RBFOX1: variants seen among roughly 807,000 people sequenced by gnomAD.
The protein encoded by RBFOX1 is RNA binding fox-1 homolog 1.
A neutral mutation model predicts 57.7 loss-of-function variants in RBFOX1; 8 were observed. The ratio of observed to expected loss-of-function variants is 0.14; its 90% confidence interval spans 0.08 to 0.25. RBFOX1 has a LOEUF of 0.25. Among genes scored for constraint, RBFOX1 ranks in the 10% least tolerant of loss-of-function variants. RBFOX1 has a pLI of 1.00. For missense variants in RBFOX1, 611 were observed against 548.5 expected (o/e 1.11, Z -1.14); for synonymous variants, 326 against 222.4 (o/e 1.47, Z -4.15).
At chr16:6,257,107 T>G (rs10431955) in intron 1 of RBFOX1, among the ~76,000 whole-genome samples, 102,902 of 151,982 alleles carry the variant, frequency 0.68, 39,924 homozygotes, top group Non-Finnish European at 0.86. Context: ...CTTATTTTTC[T>G]TTTTTTAATT....
intron 3 of RBFOX1, among the ~76,000 whole-genome samples, chr16:6,989,218 G>A (rs2090980685): frequency 6.6e-6 from 1 of 152,002 alleles, no homozygotes; most frequent in Admixed American, 6.6e-5. Flanking sequence ...TTAAAATGTG[G>A]CTATTAGAAA....
intron 5 of RBFOX1, among the ~76,000 whole-genome samples, chr16:7,533,379 G>A (rs2080622975): frequency 6.6e-6 from 1 of 151,836 alleles, no homozygotes; most frequent in African/African-American, 2.4e-5. Flanking sequence ...CTTCCACCTT[G>A]AAACACCCAT....
rs1949797515 is a variant in RBFOX1, at chr16:7,518,307, T to C, written c.188T>C (p.Leu63Ser). 6.2e-7 allele frequency: 1 copy of C among 1,614,066 alleles called. No individual in the cohort carries two copies. Among genetic ancestry groups the C allele is most frequent in the South Asian group, 1.1e-5 (1 of 91,072 alleles). ...CAGACCACGGTTCCCGAGCACACAT[T>C]AAACCTGTACCCTCCCGCCCAGACG... ...TGQTTVPEHT[L>S]NLYPPAQTHS... Residue 63 changes from leucine to serine, a missense_variant, in exon 5 of 16, where the codon TTA (leucine) becomes TCA (serine). By Grantham distance (145) the Leu-to-Ser change is moderately radical. Transcript: ENST00000550418.
chr16:7,628,844 C>T lies in RBFOX1; in HGVS notation c.677-1759C>T, dbSNP rs1419169874. 2.0e-5 allele frequency among the ~76,000 whole-genome samples: 3 copies of T among 152,146 alleles called. No individual in the cohort carries two copies. In the South Asian group the frequency reaches 6.2e-4, roughly 32 times the overall value. ...GCCAGGCTGGTCTCGAACTCCTAAC[C>T]TCAGGTGATCTACCTGCCTTGGCCT... On this transcript the variant is annotated intron_variant, in intron 10 of 15. Coordinates refer to ENST00000550418, the MANE Select transcript of RBFOX1 (RefSeq NM_018723.4).
At chr16:6,004,112 A>G (rs2060651497) in intron 4 of RBFOX1, among the ~76,000 whole-genome samples, 3 of 152,230 alleles carry the variant, frequency 2.0e-5, no homozygotes, top group African/African-American at 7.2e-5. Context: ...ATGGGTTGAT[A>G]GGTGCAGCAA....
chr16:6,311,453 C>T (rs113742897), intron 1 of RBFOX1, among the ~76,000 whole-genome samples: 2,239 of 152,080 alleles, frequency 0.015, 45 homozygotes, highest in African/African-American at 0.049. Flanking sequence ...GGATGGGAAG[C>T]AAAAGGAGAT....
intron 1 of RBFOX1, among the ~76,000 whole-genome samples, chr16:6,110,227 T>C (rs1811321): frequency 0.66 from 95,571 of 143,892 alleles, 32,140 homozygotes; most frequent in African/African-American, 0.76. Flanking sequence ...ATTATTCTTT[T>C]AGCTCTCTGG....
At chr16:7,029,173 C>T (rs1168607246) in intron 3 of RBFOX1, among the ~76,000 whole-genome samples, 1 of 44,264 alleles carries the variant, frequency 2.3e-5, no homozygotes, top group East Asian at 9.3e-4. Context: ...CATATATATA[C>T]GTATACGTGT....
In RBFOX1 at chr16:7,032,851, A is replaced by G. The variant is rs1416370881; in HGVS notation, c.-15-19206A>G. On this transcript the variant is annotated intron_variant, in intron 3 of 15. Coordinates refer to ENST00000550418, the MANE Select transcript of RBFOX1 (RefSeq NM_018723.4). ...AGGCTCATGGCATAGCCACTCTGGG[A>G]AACTTGTCTAACTTCCAGATTCTCA... 2.0e-5 allele frequency among the ~76,000 whole-genome samples: 3 copies of G among 152,188 alleles called. No homozygotes were observed. The East Asian group carries it at 5.8e-4, about 29-fold the overall frequency.
intron 3 of RBFOX1, among the ~76,000 whole-genome samples, chr16:6,979,540 A>T (rs2088083645): frequency 1.3e-5 from 2 of 152,280 alleles, no homozygotes; most frequent in South Asian, 4.2e-4. Context: ...CTTCAATTGG[A>T]TACAGCAATG....
chr16:5,437,460 A>G (rs553326489), intron 1 of RBFOX1, among the ~76,000 whole-genome samples: 4 of 152,350 alleles, frequency 2.6e-5, no homozygotes, highest in South Asian at 4.1e-4. Context: ...AACATGAAGA[A>G]CAAAAGTGTA....
chr16:7,338,119 G>A (rs772130560), intron 4 of RBFOX1, among the ~76,000 whole-genome samples: 2 of 152,190 alleles, frequency 1.3e-5, no homozygotes, highest in Non-Finnish European at 2.9e-5. Context: ...GTAAAGGAGT[G>A]CCATGGTTGT....
intron 4 of RBFOX1, among the ~76,000 whole-genome samples, chr16:7,462,650 G>GTGAGAA (rs1424524986): frequency 6.6e-6 from 1 of 152,246 alleles, no homozygotes; most frequent in East Asian, 1.9e-4. Flanking sequence ...ACTAGGGGTT[G>GTGAGAA]TGAGAATGAA....
At chr16:5,447,378 A>ATCCCTC (rs143837516) in intron 1 of RBFOX1, among the ~76,000 whole-genome samples, 1 of 134,360 alleles carries the variant, frequency 7.4e-6, no homozygotes, top group Non-Finnish European at 1.6e-5. Flanking sequence ...CAATCAATCA[A>ATCCCTC]TCTCTCTCTC....
At chr16:6,146,019 T>C (rs1417921057) in intron 1 of RBFOX1, among the ~76,000 whole-genome samples, 2 of 152,194 alleles carry the variant, frequency 1.3e-5, no homozygotes, top group African/African-American at 4.8e-5. Context: ...GAGGTTAAGA[T>C]GATAATCTAA....
At chr16:7,111,471 A>G (rs759170669) in intron 4 of RBFOX1, among the ~76,000 whole-genome samples, 3 of 152,102 alleles carry the variant, frequency 2.0e-5, no homozygotes, top group South Asian at 4.1e-4. Flanking sequence ...ATTATATTAC[A>G]TTTTTAAATG....
chr16:5,510,413 A>G (rs528228069), intron 2 of RBFOX1, among the ~76,000 whole-genome samples: 2 of 152,166 alleles, frequency 1.3e-5, no homozygotes, highest in African/African-American at 4.8e-5. Flanking sequence ...GGCAGGGCCT[A>G]TGGATCTCGT....
At chr16:6,711,731 T>TA (rs2063751322) in intron 3 of RBFOX1, among the ~76,000 whole-genome samples, 1 of 152,202 alleles carries the variant, frequency 6.6e-6, no homozygotes, top group Non-Finnish European at 1.5e-5. Flanking sequence ...AATGGACCGA[T>TA]ACACTCCTCA....
intron 1 of RBFOX1, among the ~76,000 whole-genome samples, chr16:6,134,653 C>A (rs1202766724): frequency 6.6e-6 from 1 of 151,364 alleles, no homozygotes. Context: ...CCCCCTGTGG[C>A]CCAGCAATCT....
Sources: allele counts gnomAD v4.1 joint callset (sites outside exome capture counted in the v4.1 genomes callset), GRCh38; gene constraint gnomAD v4.1.1; transcripts MANE v1.5; gene names NCBI Gene and HGNC (gene_info 2026-07-23, HGNC 2026-07-21).